The following AGBL1 variants were observed in gnomAD, a reference collection of about 807,000 sequenced individuals.
AGBL1 encodes the protein cytosolic carboxypeptidase 4.
In AGBL1, 130 loss-of-function variants were observed where a neutral mutation model predicts 118.9. The observed-to-expected ratio is 1.09, with a 90% CI of 0.95 to 1.26. The LOEUF (loss-of-function observed/expected upper bound fraction) is 1.26. AGBL1 is among the 50% of genes most tolerant of loss of function. The pLI is 0.00. For synonymous variants in AGBL1, 555 were observed against 478.9 expected (o/e 1.16, Z -2.08); for missense variants, 1,584 against 1,298.1 (o/e 1.22, Z -3.38).
intron 17 of AGBL1, among the ~76,000 whole-genome samples, chr15:86,372,569 C>G (rs1254955509): frequency 6.6e-6 from 1 of 152,258 alleles, no homozygotes; most frequent in Non-Finnish European, 1.5e-5. Context: ...CATACATATG[C>G]ACATGTTTGC....
At chr15:86,372,943 G>T (rs2080990438) in intron 17 of AGBL1, among the ~76,000 whole-genome samples, 1 of 152,114 alleles carries the variant, frequency 6.6e-6, no homozygotes, top group Non-Finnish European at 1.5e-5. Flanking sequence ...GATTCCAGAA[G>T]AGTAAATTTT....
At position 86,914,602 on chromosome 15, in the gene AGBL1, C is replaced by T. The variant is rs2080396099; in HGVS notation, c.*7308C>T. On this transcript the variant is annotated 3_prime_UTR_variant, in exon 23 of 23. Transcript: ENST00000614907. ...AGTCTAAGACCATCGCAGGTGTCATCATGTTTAAGCCTAAAACTTCAGCCC... is the reference window on the plus strand; with the variant it reads ...AGTCTAAGACCATCGCAGGTGTCATTATGTTTAAGCCTAAAACTTCAGCCC... 6.6e-6 allele frequency: 1 copy of T among 152,180 alleles called. No individual in the cohort carries two copies. Among genetic ancestry groups the T allele is most frequent in the Admixed American group, 6.5e-5 (1 of 15,278 alleles). 9.4% of individuals were successfully genotyped at this position (152,180 alleles called of 1,614,324 possible).
intron 22 of AGBL1, among the ~76,000 whole-genome samples, chr15:86,748,657 G>C (rs1344319200): frequency 6.6e-6 from 1 of 150,650 alleles, no homozygotes; most frequent in African/African-American, 2.4e-5. Context: ...TAACATTTAA[G>C]TCTTTAATCC....
chr15:86,675,026 C>A (rs2085814109), intron 22 of AGBL1, among the ~76,000 whole-genome samples: 1 of 152,094 alleles, frequency 6.6e-6, no homozygotes, highest in Non-Finnish European at 1.5e-5. Context: ...TCCAAATGAG[C>A]CGTTTTGATG....
At chr15:87,003,124 T>C (rs1326938571) in intron 24 of AGBL1, among the ~76,000 whole-genome samples, 1 of 152,208 alleles carries the variant, frequency 6.6e-6, no homozygotes, top group Non-Finnish European at 1.5e-5. Context: ...TTGTCATAAA[T>C]AGCTCTTATT....
At chr15:86,170,023 A>G (rs1401900668) in intron 5 of AGBL1, among the ~76,000 whole-genome samples, 1 of 152,230 alleles carries the variant, frequency 6.6e-6, no homozygotes, top group Non-Finnish European at 1.5e-5. Context: ...ATGCAAAGGA[A>G]CAAGAAAGCA....
chr15:86,793,077 C>T (rs1029284858), intron 22 of AGBL1, among the ~76,000 whole-genome samples: 1 of 151,962 alleles, frequency 6.6e-6, no homozygotes, highest in Non-Finnish European at 1.5e-5. Context: ...CAGAAAGGAG[C>T]CTATAGAATT....
At chr15:86,880,172 G>A (rs2079870624) in intron 22 of AGBL1, among the ~76,000 whole-genome samples, 2 of 152,142 alleles carry the variant, frequency 1.3e-5, no homozygotes, top group South Asian at 4.2e-4. Flanking sequence ...CGAGCTTGCT[G>A]AATCTCAGCT....
chr15:86,894,992 C>A lies in AGBL1; in HGVS notation c.3159-12095C>A, dbSNP rs542827532. On this transcript the variant is annotated intron_variant, in intron 22 of 22. Transcript: ENST00000614907. The stretch of plus-strand genomic sequence containing the variant: ...TGGCAGGACACAGTGACTCTGACCA[C>A]TTGCCAGGGACATCTAACAACAGTG... 3.3e-5 allele frequency among the ~76,000 whole-genome samples: 5 copies of A among 152,236 alleles called. No individual in the cohort carries two copies. In the South Asian group the frequency reaches 8.3e-4, roughly 25 times the overall value.
chr15:86,088,129 C>G (rs1895786128), intron 1 of AGBL1: 1 of 152,262 alleles, frequency 6.6e-6, no homozygotes, highest in East Asian at 1.9e-4. Context: ...TCCAGTGGAA[C>G]TTTATTTGGA....
At chr15:86,729,415 T>G (rs2077499635) in intron 22 of AGBL1, among the ~76,000 whole-genome samples, 1 of 152,054 alleles carries the variant, frequency 6.6e-6, no homozygotes, top group African/African-American at 2.4e-5. Context: ...ATGGGTAGTT[T>G]TTCAACCTAC....
chr15:86,790,683 T>C (rs1320650256), intron 22 of AGBL1, among the ~76,000 whole-genome samples: 1 of 152,142 alleles, frequency 6.6e-6, no homozygotes, highest in African/African-American at 2.4e-5. Flanking sequence ...TAATGGAATC[T>C]AGGAATTTAG....
chr15:86,194,965 T>C (rs904399452), intron 5 of AGBL1, among the ~76,000 whole-genome samples: 5 of 152,230 alleles, frequency 3.3e-5, no homozygotes, highest in Admixed American at 1.3e-4. Context: ...CTGTAGACAC[T>C]ATTTTATGAT....
chr15:86,480,697 A>G (rs887182753), intron 18 of AGBL1, among the ~76,000 whole-genome samples: 1 of 152,024 alleles, frequency 6.6e-6, no homozygotes, highest in African/African-American at 2.4e-5. Context: ...ATACTGTCAT[A>G]CAGACTCAAG....
intron 17 of AGBL1, among the ~76,000 whole-genome samples, chr15:86,307,410 C>T (rs1483988695): frequency 1.3e-5 from 2 of 152,020 alleles, no homozygotes; most frequent in African/African-American, 4.8e-5. Context: ...TTCTCCCTGT[C>T]ACCTCTTTTT....
intron 5 of AGBL1, among the ~76,000 whole-genome samples, chr15:86,196,874 C>CGCGCGT (rs1555446463): frequency 2.1e-5 from 2 of 93,164 alleles, no homozygotes; most frequent in African/African-American, 9.9e-5. Context: ...CATGTGCGCG[C>CGCGCGT]GCGCGCACAC....
chr15:86,721,744 T>C (rs2086725454), intron 22 of AGBL1, among the ~76,000 whole-genome samples: 1 of 152,236 alleles, frequency 6.6e-6, no homozygotes, highest in African/African-American at 2.4e-5. Context: ...CATGATTGTA[T>C]ATCTAGAAAA....
intron 17 of AGBL1, among the ~76,000 whole-genome samples, chr15:86,394,890 C>T (rs1160347114): frequency 6.6e-5 from 10 of 152,168 alleles, no homozygotes; most frequent in African/African-American, 1.9e-4. Context: ...ATGGCCACTC[C>T]TACCTACAAA....
At chr15:86,962,981 T>G (rs573441317) in intron 23 of AGBL1, among the ~76,000 whole-genome samples, 1 of 152,246 alleles carries the variant, frequency 6.6e-6, no homozygotes, top group East Asian at 1.9e-4. Context: ...TTAAGGTTAA[T>G]TGCACTTATC....
Sources: gnomAD v4.1 joint callset for allele counts (sites outside exome capture counted in the v4.1 genomes callset) on GRCh38, gnomAD v4.1.1 for gene constraint, MANE v1.5 for transcripts, NCBI Gene and HGNC (gene_info 2026-07-23, HGNC 2026-07-21) for gene names.